The following SPATS2L variants were observed in gnomAD, a reference collection of about 807,000 sequenced individuals.
SPATS2L encodes SPATS2-like protein.
A neutral mutation model predicts 59.6 loss-of-function variants in SPATS2L; 30 were observed. The observed-to-expected ratio is 0.50, with a 90% CI of 0.38 to 0.68. The LOEUF is 0.68. Among genes scored for constraint, SPATS2L ranks in the 30% least tolerant of loss-of-function variants. The pLI is 0.00. For missense variants in SPATS2L, 615 were observed against 700.0 expected (o/e 0.88, Z 1.37); for synonymous variants, 252 against 263.5 (o/e 0.96, Z 0.42).
At position 200,472,864 on chromosome 2, in the gene SPATS2L, A is replaced by G. The variant is rs1166824768; in HGVS notation, c.1093A>G (p.Thr365Ala). 1 of 1,613,524 alleles carries G rather than the reference A, an allele frequency of 6.2e-7. No homozygotes were observed. Among genetic ancestry groups the G allele is most frequent in the Non-Finnish European group, 8.5e-7 (1 of 1,179,834 alleles). ...THPKNNYSSR[T>A]PCSSLLPLLN... Reference sequence around the variant, plus strand: ...TCCAAAGAACAACTATTCCTCAAGAACTCCCTGCAGCTCCCTGCTGCCTCT... The same window carrying G: ...TCCAAAGAACAACTATTCCTCAAGAGCTCCCTGCAGCTCCCTGCTGCCTCT... Residue 365 changes from threonine to alanine, a missense_variant, in exon 12 of 13, where the codon ACT becomes GCT. Around this residue, in one of 3 missense-constraint regions of SPATS2L, gnomAD observed 284 missense variants for 280.1 expected, o/e 1.01. Coordinates refer to ENST00000409140, the MANE Select transcript of SPATS2L (RefSeq NM_001100423.2).
At chr2:200,383,724 C>T (rs2081901404) in intron 2 of SPATS2L, 1 of 186,094 alleles carries the variant, frequency 5.4e-6, no homozygotes, top group African/African-American at 2.4e-5. Context: ...TATGAAATAC[C>T]CTATTAACGG....
chr2:200,472,805 G>T, intron 11 of SPATS2L, 27 bp from the exon 12 acceptor site: 8 of 1,592,664 alleles, frequency 5.0e-6, no homozygotes, highest in Non-Finnish European at 6.9e-6. Flanking sequence ...GGTGCAGCTC[G>T]TAACACTGAG....
intron 2 of SPATS2L, among the ~76,000 whole-genome samples, chr2:200,338,047 C>T (rs1002220888): frequency 6.6e-6 from 1 of 152,062 alleles, no homozygotes. Flanking sequence ...TTTTTTGAGA[C>T]GGGGTCTCAC....
intron 2 of SPATS2L, among the ~76,000 whole-genome samples, chr2:200,337,859 G>C (rs975470637): frequency 1.3e-5 from 2 of 152,126 alleles, no homozygotes; most frequent in Non-Finnish European, 2.9e-5. Context: ...CAGCTGTCTA[G>C]GTTCTGCTTT....
intron 1 of SPATS2L, among the ~76,000 whole-genome samples, chr2:200,313,449 C>T (rs2105750618): frequency 6.6e-6 from 1 of 152,118 alleles, no homozygotes; most frequent in African/African-American, 2.4e-5. Flanking sequence ...AATCTGTGTC[C>T]CTTATAAATG....
chr2:200,372,266 T>C (rs1240180237), intron 2 of SPATS2L: 4 of 892,048 alleles, frequency 4.5e-6, no homozygotes, highest in Non-Finnish European at 5.4e-6. Context: ...GTGAATTCCC[T>C]CTCCATTATC....
At chr2:200,374,369 C>G (rs1028326062) in intron 2 of SPATS2L, among the ~76,000 whole-genome samples, 5 of 152,224 alleles carry the variant, frequency 3.3e-5, no homozygotes, top group Admixed American at 1.3e-4. Context: ...AGCACTCCCT[C>G]TCTGAAGCCC....
intron 5 of SPATS2L, among the ~76,000 whole-genome samples, chr2:200,416,851 G>A (rs946684886): frequency 6.6e-6 from 1 of 152,152 alleles, no homozygotes. Flanking sequence ...GTCCAAGGCT[G>A]CCCTGAGATG....
In SPATS2L at chr2:200,403,053, G is replaced by A. The variant is rs189289357; in HGVS notation, c.40-9258G>A. 1.1e-4 allele frequency among the ~76,000 whole-genome samples: 17 copies of A among 152,274 alleles called. No individual in the cohort carries two copies. The East Asian group carries it at 1.2e-3, about 10-fold the overall frequency. ...CTAGTCATTGCACAAGTAAAGGCCC[G>A]GGGACACTTGTCTCAAACTCAACGG... On this transcript the variant is annotated intron_variant, in intron 3 of 12. Coordinates refer to ENST00000409140, the MANE Select transcript of SPATS2L (RefSeq NM_001100423.2).
intron 2 of SPATS2L, among the ~76,000 whole-genome samples, chr2:200,329,734 T>G (rs2105791752): frequency 6.6e-6 from 1 of 151,846 alleles, no homozygotes; most frequent in Non-Finnish European, 1.5e-5. Context: ...TTGCCACGTC[T>G]GTGGATCTTT....
At chr2:200,373,996 A>T (rs1481977611) in intron 2 of SPATS2L, among the ~76,000 whole-genome samples, 1 of 152,206 alleles carries the variant, frequency 6.6e-6, no homozygotes, top group Non-Finnish European at 1.5e-5. Context: ...TGAAACAAGG[A>T]TATTACCTCT....
intron 2 of SPATS2L, among the ~76,000 whole-genome samples, chr2:200,385,000 A>G (rs2081946448): frequency 6.6e-6 from 1 of 152,242 alleles, no homozygotes; most frequent in Admixed American, 6.5e-5. Context: ...AGCCCGCAGT[A>G]ATTGGTCTGT....
At position 200,478,208 on chromosome 2, in the gene SPATS2L, A is replaced by T. The variant is rs2087684843; in HGVS notation, c.*177A>T. 1.7e-6 allele frequency: 1 copy of T among 577,068 alleles called. No individual in the cohort carries two copies. Among genetic ancestry groups the T allele is most frequent in the South Asian group, 4.6e-5 (1 of 21,570 alleles). The allele number at this position is 577,068 out of a possible 1,614,324, so 35.7% of individuals were successfully genotyped here. A position where few individuals can be genotyped will look rare whatever the true frequency, so the allele number is the denominator to read the frequency against. On this transcript the variant is annotated 3_prime_UTR_variant, in exon 13 of 13. Transcript: ENST00000409140. ...AGCTCTAGCTTGCTTCATAATTTTC[A>T]TGGCTTTGCTTGATCTGTTGATGCT...
intron 2 of SPATS2L, among the ~76,000 whole-genome samples, chr2:200,360,688 CTAAA>C (rs1190192977): frequency 3.7e-4 from 57 of 152,280 alleles, no homozygotes; most frequent in African/African-American, 1.3e-3. Flanking sequence ...GGGATTTCCT[CTAAA>C]TAAATAAGCT....
chr2:200,328,607 G>A (rs569833803), intron 1 of SPATS2L, among the ~76,000 whole-genome samples: 2 of 152,286 alleles, frequency 1.3e-5, no homozygotes, highest in Admixed American at 1.3e-4. Context: ...CTCCCTCGCG[G>A]TTGTTCTCCA....
At position 200,479,984 on chromosome 2, in the gene SPATS2L, T is replaced by A; in HGVS notation, c.*1953T>A. 2.7e-6 allele frequency: 1 copy of A among 373,278 alleles called. No homozygotes were observed. Among genetic ancestry groups the A allele is most frequent in the Non-Finnish European group, 4.7e-6 (1 of 210,746 alleles). 23.1% of individuals were successfully genotyped at this position (373,278 alleles called of 1,614,324 possible). On this transcript the variant is annotated 3_prime_UTR_variant, in exon 13 of 13. Transcript: ENST00000409140. ...TAAATGTTCGGCACTGTAGGCCCTGTTTACCCCATCTGAGGCCCTGAATTC... is the reference window on the plus strand; with the variant it reads ...TAAATGTTCGGCACTGTAGGCCCTGATTACCCCATCTGAGGCCCTGAATTC...
At chr2:200,473,562 A>G (rs182730804) in intron 12 of SPATS2L, among the ~76,000 whole-genome samples, 1 of 152,338 alleles carries the variant, frequency 6.6e-6, no homozygotes, top group Admixed American at 6.5e-5. Context: ...TAAGGAGAAT[A>G]CATTTCAAAA....
upstream of SPATS2L, chr2:200,306,560 G>A: frequency 1.0e-6 from 1 of 1,002,262 alleles, no homozygotes; most frequent in Non-Finnish European, 1.2e-6. Context: ...CGCTGTGTTT[G>A]CGAGCGGGAG....
Position 200,407,825 on chromosome 2 carries a change from G to T in SPATS2L, c.40-4486G>T, listed in dbSNP as rs374792073. Among the ~76,000 whole-genome samples the T allele has an allele frequency of 5.3e-5, 8 of 152,258 alleles. No homozygotes were observed. In the East Asian group the frequency reaches 1.4e-3, roughly 26 times the overall value. On this transcript the variant is annotated intron_variant, in intron 3 of 12. Transcript: ENST00000409140. ...CATGAGTGGTAGATGCAGAGTGCTG[G>T]GATGGTCCACACAAGATGGTGGAGT... is the stretch of plus-strand genomic sequence containing the variant.
Sources: gnomAD v4.1 joint callset for allele counts (sites outside exome capture counted in the v4.1 genomes callset) on GRCh38, gnomAD v4.1.1 for gene constraint, gnomAD v4.1.1 regional missense constraint, MANE v1.5 for transcripts, NCBI Gene and HGNC (gene_info 2026-07-23, HGNC 2026-07-21) for gene names.